Variants in ZBTB20 observed in about 807,000 individuals in gnomAD.
ZBTB20 encodes the protein zinc finger and BTB domain-containing protein 20.
ZBTB20 carries 9 observed loss-of-function variants against 56.9 expected under a neutral mutation model. The ratio of observed to expected loss-of-function variants is 0.16; its 90% CI spans 0.10 to 0.28. The LOEUF (loss-of-function observed/expected upper bound fraction) is 0.28, where lower values mean the gene tolerates loss of function less well. Ranked by LOEUF, ZBTB20 falls within the 10% of genes least tolerant of loss-of-function variation. ZBTB20 has a pLI of 1.00. For missense variants in ZBTB20, 655 were observed against 1,003.0 expected (o/e 0.65, Z 4.69); for synonymous variants, 417 against 420.7 (o/e 0.99, Z 0.11).
At chr3:114,378,050 GA>G (rs1311846033) in intron 10 of ZBTB20, among the ~76,000 whole-genome samples, 1 of 151,478 alleles carries the variant, frequency 6.6e-6, no homozygotes, top group Non-Finnish European at 1.5e-5. Context: ...TTACCTTAAA[GA>G]AATTAGGCTT....
At chr3:114,963,635 A>G (rs546181305) in intron 3 of ZBTB20, among the ~76,000 whole-genome samples, 3 of 152,280 alleles carry the variant, frequency 2.0e-5, no homozygotes, top group African/African-American at 7.2e-5. Flanking sequence ...ACAATAATCA[A>G]TGGTGAGTAT....
At chr3:114,602,494 C>T (rs191388654) in intron 6 of ZBTB20, among the ~76,000 whole-genome samples, 76 of 152,006 alleles carry the variant, frequency 5.0e-4, no homozygotes, top group Non-Finnish European at 2.7e-4. Context: ...TGTTATGCTC[C>T]CTCTTTATTG....
rs1398241614 is a variant in ZBTB20 at position 114,938,355 on chromosome 3, T to TG, written c.-456+36010dup. ...GTCATGAAGTCTTTGCCCATGCCTA[T>TG]GTCCTGAATGGTATCACCTAGGTTT... On this transcript the variant is annotated intron_variant, in intron 3 of 11. Coordinates refer to ENST00000675478, the MANE Select transcript of ZBTB20 (RefSeq NM_001348800.3). 1.4e-5 allele frequency among the ~76,000 whole-genome samples: 2 copies of TG among 146,164 alleles called. 1 individual carries two copies. Among genetic ancestry groups the TG allele is most frequent in the African/African-American group, 5.6e-5 (2 of 35,860 alleles).
chr3:114,374,767 C>A (rs1240192197), intron 10 of ZBTB20, among the ~76,000 whole-genome samples: 1 of 152,162 alleles, frequency 6.6e-6, no homozygotes, highest in Non-Finnish European at 1.5e-5. Context: ...TGGAGGTTTT[C>A]TGGGGCCAAA....
At chr3:114,727,634 G>T (rs1390351982) in intron 5 of ZBTB20, among the ~76,000 whole-genome samples, 3 of 152,174 alleles carry the variant, frequency 2.0e-5, no homozygotes, top group Non-Finnish European at 1.5e-5. Context: ...TTCGAGGGCA[G>T]TATCTCACAA....
intron 5 of ZBTB20, among the ~76,000 whole-genome samples, chr3:114,747,577 A>C (rs1368485023): frequency 6.6e-6 from 1 of 152,172 alleles, no homozygotes; most frequent in Non-Finnish European, 1.5e-5. Context: ...AAAATAAAAT[A>C]AAATGACGTT....
intron 6 of ZBTB20, among the ~76,000 whole-genome samples, chr3:114,534,350 T>C (rs1181963071): frequency 3.9e-5 from 6 of 152,114 alleles, no homozygotes; most frequent in African/African-American, 1.4e-4. Flanking sequence ...TAGTCTCTGA[T>C]AAAACAGATT....
At chr3:115,011,855 G>C (rs1445561176) in intron 2 of ZBTB20, among the ~76,000 whole-genome samples, 1 of 151,686 alleles carries the variant, frequency 6.6e-6, no homozygotes, top group Non-Finnish European at 1.5e-5. Flanking sequence ...ACAACTTTTT[G>C]AGACATAGTA....
chr3:114,351,091 G>T lies in ZBTB20; in HGVS notation c.987C>A (p.Ile329=), dbSNP rs756142681. Residue 329 remains isoleucine (I), a synonymous_variant, in exon 11 of 12, where the codon ATC becomes ATA. Coordinates refer to ENST00000675478, the MANE Select transcript of ZBTB20 (RefSeq NM_001348800.3). ...CGTAATCGTCCTCCATCTCCTGCTT[G>T]ATGTGGATGTTGCCCACTAGGGTCT... ...RIQTLVGNIH[I]KQEMEDDYDY... 2 of 1,609,992 alleles carry T rather than the reference G, an allele frequency of 1.2e-6. No homozygotes were observed. The highest frequency in any genetic ancestry group is 1.7e-6 in the Non-Finnish European group (2 of 1,179,784).
intron 4 of ZBTB20, among the ~76,000 whole-genome samples, chr3:114,871,591 C>T (rs1265788311): frequency 6.6e-6 from 1 of 152,050 alleles, no homozygotes; most frequent in Non-Finnish European, 1.5e-5. Flanking sequence ...GGGCCCTCTT[C>T]AATAATAATC....
intron 6 of ZBTB20, among the ~76,000 whole-genome samples, chr3:114,505,130 C>T (rs1053507827): frequency 6.6e-6 from 1 of 152,122 alleles, no homozygotes; most frequent in Non-Finnish European, 1.5e-5. Flanking sequence ...GGAAGCTGAA[C>T]CACTTGCCAG....
intron 5 of ZBTB20, among the ~76,000 whole-genome samples, chr3:114,697,236 C>T (rs975380109): frequency 5.9e-5 from 9 of 151,826 alleles, no homozygotes; most frequent in Admixed American, 1.3e-4. Flanking sequence ...ACACACACAC[C>T]CGTCTTCCTT....
intron 6 of ZBTB20, among the ~76,000 whole-genome samples, chr3:114,593,390 T>C (rs952566003): frequency 6.9e-6 from 1 of 145,202 alleles, no homozygotes; most frequent in Non-Finnish European, 1.5e-5. Context: ...TTTTCTTTTT[T>C]TTTTTTTTTT....
At chr3:114,952,331 C>T (rs1358023517) in intron 3 of ZBTB20, among the ~76,000 whole-genome samples, 2 of 151,988 alleles carry the variant, frequency 1.3e-5, no homozygotes, top group African/African-American at 4.8e-5. Flanking sequence ...GCTTTCTTGC[C>T]ACATGATGCC....
intron 1 of ZBTB20, among the ~76,000 whole-genome samples, chr3:115,099,063 T>C (rs575079921): frequency 2.7e-4 from 41 of 152,286 alleles, no homozygotes; most frequent in Admixed American, 1.1e-3. Flanking sequence ...AAATGGCCCT[T>C]ATTAAAATAA....
intron 10 of ZBTB20, among the ~76,000 whole-genome samples, chr3:114,353,489 T>C (rs943658192): frequency 5.9e-5 from 9 of 152,224 alleles, no homozygotes; most frequent in Non-Finnish European, 8.8e-5. Flanking sequence ...CTCTATCAGG[T>C]CTGTTATGTG....
intron 5 of ZBTB20, among the ~76,000 whole-genome samples, chr3:114,765,665 T>C (rs2108719004): frequency 6.6e-6 from 1 of 152,288 alleles, no homozygotes. Context: ...CAATAATGAT[T>C]ATCAGGAAAT....
chr3:114,524,685 T>C (rs755164868), intron 6 of ZBTB20, among the ~76,000 whole-genome samples: 3 of 152,124 alleles, frequency 2.0e-5, no homozygotes, highest in Non-Finnish European at 2.9e-5. Context: ...TTCTCCTCCC[T>C]ATCCAAATTA....
chr3:114,545,377 C>T (rs1042611683), intron 6 of ZBTB20, among the ~76,000 whole-genome samples: 1 of 152,122 alleles, frequency 6.6e-6, no homozygotes, highest in Non-Finnish European at 1.5e-5. Flanking sequence ...TTGCAAAATG[C>T]TTTCACATGT....
Sources: allele counts gnomAD v4.1 joint callset (sites outside exome capture counted in the v4.1 genomes callset), GRCh38; gene constraint gnomAD v4.1.1; transcripts MANE v1.5; gene names NCBI Gene and HGNC (gene_info 2026-07-23, HGNC 2026-07-21).